PTMS: variants seen among roughly 807,000 people sequenced by gnomAD.
The protein encoded by PTMS is parathymosin.
In PTMS, 5 loss-of-function variants were observed where a neutral mutation model predicts 18.4. The observed-to-expected ratio is 0.27, with a 90% CI of 0.14 to 0.57. The LOEUF is 0.57. Ranked by LOEUF, PTMS falls within the 20% of genes least tolerant of loss-of-function variation. PTMS has a pLI of 0.92. For missense variants in PTMS, 93 were observed against 124.6 expected, an observed-to-expected ratio of 0.75 and a Z score of 1.21; for synonymous variants, 53 against 47.7, an observed-to-expected ratio of 1.11 and a Z score of -0.46.
Position 6,770,127 on chromosome 12 carries a change from T to C in PTMS, c.197-30T>C. The stretch of plus-strand genomic sequence containing the variant: ...GGGGCTCTGCCAGAGCTTCCTGCCC[T>C]TCCCCAATGACCCATTTCTGGCTCC... On this transcript the variant is annotated intron_variant, in intron 3 of 4. Coordinates refer to ENST00000309083, the MANE Select transcript of PTMS (RefSeq NM_002824.6). This position sits in a 1 kb window ranked among gnomAD's most constrained non-coding sequence, Gnocchi z 7.3. 1 of 1,613,696 alleles carries C rather than the reference T, an allele frequency of 6.2e-7. No homozygotes were observed. Among genetic ancestry groups the C allele is most frequent in the Non-Finnish European group, 8.5e-7 (1 of 1,179,858 alleles).
At chr12:6,767,838 T>C (rs1941793454) in intron 1 of PTMS, among the ~76,000 whole-genome samples, 1 of 152,230 alleles carries the variant, frequency 6.6e-6, no homozygotes, top group Admixed American at 6.5e-5. Context: ...GTCAGTTACA[T>C]GTGTGCATGT....
intron 1 of PTMS, chr12:6,769,091 G>C (rs75994013): frequency 0.038 from 7,558 of 199,332 alleles, 357 homozygotes; most frequent in African/African-American, 0.11. Flanking sequence ...GGGAGACACA[G>C]ATGGAGAGAA....
Position 6,770,037 on chromosome 12 carries a change from G to A in PTMS, c.196+38G>A, listed in dbSNP as rs1364825895. The A allele has an allele frequency of 7.0e-6, 11 of 1,571,148 alleles. No individual in the cohort carries two copies. The South Asian group carries it at 1.2e-4, about 17-fold the overall frequency. On this transcript the variant is annotated intron_variant, in intron 3 of 4. Transcript: ENST00000309083. The surrounding 1 kb of genome is among the most constrained non-coding windows in gnomAD (Gnocchi z 7.3). The stretch of plus-strand genomic sequence containing the variant: ...AGGGGAGGCTGGGCTGGCAAAGTCT[G>A]GGCTCAAAGGAGAGCAGAGTCAGGG...
chr12:6,769,519 C>T (rs1941810624), intron 1 of PTMS, 84 bp from the exon 2 acceptor site: 1 of 1,432,892 alleles, frequency 7.0e-7, no homozygotes, highest in Admixed American at 1.7e-5. Context: ...TCTAAGCTCA[C>T]TACAGAGGGA....
Position 6,770,314 on chromosome 12 carries a change from G to A in PTMS, c.259-78G>A. ...ACCCAGATCCCTGTGTGGCAGGGGT[G>A]GGGGCTGGAACAGGACCGGGACAGG... On this transcript the variant is annotated intron_variant, in intron 4 of 4. Transcript: ENST00000309083. The surrounding 1 kb of genome is among the most constrained non-coding windows in gnomAD (Gnocchi z 7.3). 1.2e-6 allele frequency: 2 copies of A among 1,608,014 alleles called. No homozygotes were observed. The highest frequency in any genetic ancestry group is 1.7e-6 in the Non-Finnish European group (2 of 1,174,462).
chr12:6,766,408 CG>C lies in PTMS; in HGVS notation c.-295del. The C allele has an allele frequency of 6.0e-6, 1 of 168,040 alleles. No individual in the cohort carries two copies. The highest frequency in any genetic ancestry group is 1.6e-4 in the South Asian group (1 of 6,280). 10.4% of individuals were successfully genotyped at this position (168,040 alleles called of 1,614,324 possible). ...TCTGCTGGTGCGGGGGCGGCGAGCC[CG>C]GGATCGAGCTACCGCGGCCGAGCGC... On this transcript the variant is annotated 5_prime_UTR_variant, in exon 1 of 5. Coordinates refer to ENST00000309083, the MANE Select transcript of PTMS (RefSeq NM_002824.6).
Position 6,770,260 on chromosome 12 carries a change from C to T in PTMS, c.258+42C>T, listed in dbSNP as rs1410193197. ...TGGGCCTGAGGGGCTGTCAGGGATG[C>T]AGCCGGGCTGGGCGCCCTTTGGATT... On this transcript the variant is annotated intron_variant, in intron 4 of 4. Transcript: ENST00000309083. The surrounding 1 kb of genome is among the most constrained non-coding windows in gnomAD (Gnocchi z 7.3). 1 of 1,612,588 alleles carries T rather than the reference C, an allele frequency of 6.2e-7. No individual in the cohort carries two copies. Among genetic ancestry groups the T allele is most frequent in the Non-Finnish European group, 8.5e-7 (1 of 1,178,724 alleles).
In PTMS at chr12:6,770,245, G is replaced by A. The variant is rs752356849; in HGVS notation, c.258+27G>A. 1 of 1,613,632 alleles carries A rather than the reference G, an allele frequency of 6.2e-7. No individual in the cohort carries two copies. Among genetic ancestry groups the A allele is most frequent in the African/African-American group, 1.3e-5 (1 of 74,914 alleles). On this transcript the variant is annotated intron_variant, in intron 4 of 4. Transcript: ENST00000309083. The surrounding 1 kb of genome is among the most constrained non-coding windows in gnomAD (Gnocchi z 7.3). ...TTTGGGCTGGGTTGCTGGGCCTGAG[G>A]GGCTGTCAGGGATGCAGCCGGGCTG...
Position 6,770,075 on chromosome 12 carries a change from C to T in PTMS, c.196+76C>T. On this transcript the variant is annotated intron_variant, in intron 3 of 4. Coordinates refer to ENST00000309083, the MANE Select transcript of PTMS (RefSeq NM_002824.6). The surrounding 1 kb of genome is among the most constrained non-coding windows in gnomAD (Gnocchi z 7.3). The stretch of plus-strand genomic sequence containing the variant: ...AGCAGAGTCAGGGTGGGTTTGAAGA[C>T]CTGAAGCAGGGCTGAGGGCGACCAC... The T allele has an allele frequency of 6.2e-7, 1 of 1,602,820 alleles. No homozygotes were observed. The highest frequency in any genetic ancestry group is 8.5e-7 in the Non-Finnish European group (1 of 1,174,904).
chr12:6,770,625 A>G lies in PTMS; in HGVS notation c.*183A>G. 1.5e-6 allele frequency: 1 copy of G among 680,726 alleles called. No individual in the cohort carries two copies. Among genetic ancestry groups the G allele is most frequent in the Non-Finnish European group, 2.5e-6 (1 of 399,494 alleles). The allele number at this position is 680,726 out of a possible 1,614,324, so 42.2% of individuals were successfully genotyped here. A position where few individuals can be genotyped will look rare whatever the true frequency, so the allele number is the denominator to read the frequency against. ...TCCAGACACTGCGCCCTCCACCCTCACTCTGCCATTGTTCCACCTCCTGAC... is the reference window on the plus strand; with the variant it reads ...TCCAGACACTGCGCCCTCCACCCTCGCTCTGCCATTGTTCCACCTCCTGAC... On this transcript the variant is annotated 3_prime_UTR_variant, in exon 5 of 5. Transcript: ENST00000309083. The surrounding 1 kb of genome is among the most constrained non-coding windows in gnomAD (Gnocchi z 7.3).
At chr12:6,769,559 C>T in intron 1 of PTMS, 44 bp from the exon 2 acceptor site, 2 of 1,604,730 alleles carry the variant, frequency 1.2e-6, no homozygotes, top group South Asian at 2.2e-5. Flanking sequence ...TTAGGGGCTG[C>T]AAGCCATTTG....
chr12:6,766,592 C>T lies in PTMS; in HGVS notation c.-114C>T. The T allele has an allele frequency of 5.4e-6, 3 of 558,544 alleles. No individual in the cohort carries two copies. Among genetic ancestry groups the T allele is most frequent in the Admixed American group, 9.4e-5 (2 of 21,278 alleles). 34.6% of individuals were successfully genotyped at this position (558,544 alleles called of 1,614,324 possible). A position where few individuals can be genotyped will look rare whatever the true frequency, so the allele number is the denominator to read the frequency against. On this transcript the variant is annotated 5_prime_UTR_variant, in exon 1 of 5. Coordinates refer to ENST00000309083, the MANE Select transcript of PTMS (RefSeq NM_002824.6). ...CGGCCGCCGCTGCCGCTGTCGCCGC[C>T]GCCGCCGCCACCGCGCCAGGTTCCG...
chr12:6,766,777 G>T, intron 1 of PTMS, 27 bp downstream of exon 1: 1 of 1,059,550 alleles, frequency 9.4e-7, no homozygotes, highest in South Asian at 4.1e-5. Context: ...CGGCGGCCCG[G>T]ACCTCGCGCA....
At chr12:6,767,995 G>A (rs1941795098) in intron 1 of PTMS, among the ~76,000 whole-genome samples, 1 of 152,202 alleles carries the variant, frequency 6.6e-6, no homozygotes, top group African/African-American at 2.4e-5. Flanking sequence ...CTCTCTAACT[G>A]TGTCTGTGCA....
chr12:6,768,602 CACAA>C (rs1426427690), intron 1 of PTMS, among the ~76,000 whole-genome samples: 2 of 152,208 alleles, frequency 1.3e-5, no homozygotes, highest in Non-Finnish European at 2.9e-5. Flanking sequence ...GATCAGATCA[CACAA>C]GGACACCTAC....
chr12:6,768,261 C>T (rs1592492094), intron 1 of PTMS, among the ~76,000 whole-genome samples: 1 of 152,288 alleles, frequency 6.6e-6, no homozygotes, highest in East Asian at 1.9e-4. Flanking sequence ...CTGGGGCCCC[C>T]AGAGAGAAGC....
intron 1 of PTMS, among the ~76,000 whole-genome samples, chr12:6,768,327 G>A (rs2137799239): frequency 6.6e-6 from 1 of 152,154 alleles, no homozygotes; most frequent in East Asian, 1.9e-4. Flanking sequence ...CCTAGGTAGT[G>A]GAAATGCCAT....
In PTMS at chr12:6,770,262, G is replaced by C; in HGVS notation, c.258+44G>C. 6.2e-7 allele frequency: 1 copy of C among 1,612,538 alleles called. No individual in the cohort carries two copies. The highest frequency in any genetic ancestry group is 1.1e-5 in the South Asian group (1 of 91,048). On this transcript the variant is annotated intron_variant, in intron 4 of 4. Transcript: ENST00000309083. This position sits in a 1 kb window ranked among gnomAD's most constrained non-coding sequence, Gnocchi z 7.3. Reference sequence around the variant, plus strand: ...GGCCTGAGGGGCTGTCAGGGATGCAGCCGGGCTGGGCGCCCTTTGGATTTG... The same window carrying C: ...GGCCTGAGGGGCTGTCAGGGATGCACCCGGGCTGGGCGCCCTTTGGATTTG...
Position 6,770,052 on chromosome 12 carries a change from C to G in PTMS, c.196+53C>G. ...GGCAAAGTCTGGGCTCAAAGGAGAG[C>G]AGAGTCAGGGTGGGTTTGAAGACCT... On this transcript the variant is annotated intron_variant, in intron 3 of 4. Coordinates refer to ENST00000309083, the MANE Select transcript of PTMS (RefSeq NM_002824.6). The surrounding 1 kb of genome is among the most constrained non-coding windows in gnomAD (Gnocchi z 7.3). 1 of 1,582,122 alleles carries G rather than the reference C, an allele frequency of 6.3e-7. No homozygotes were observed. The highest frequency in any genetic ancestry group is 8.6e-7 in the Non-Finnish European group (1 of 1,164,604).
Sources: gnomAD v4.1 joint callset for allele counts (sites outside exome capture counted in the v4.1 genomes callset) on GRCh38, gnomAD v4.1.1 for gene constraint, Gnocchi (gnomAD v3.1) non-coding constraint, MANE v1.5 for transcripts, NCBI Gene and HGNC (gene_info 2026-07-23, HGNC 2026-07-21) for gene names.